The following ANO10 variants were observed in gnomAD, a reference collection of about 807,000 sequenced individuals.
ANO10 encodes anoctamin-10.
A neutral mutation model predicts 74.7 loss-of-function variants in ANO10; 77 were observed. The observed-to-expected ratio is 1.03, with a 90% CI of 0.86 to 1.25. ANO10 has a LOEUF of 1.25. Ranked by LOEUF, ANO10 falls within the 50% of genes most tolerant of loss-of-function variation. The probability of loss-of-function intolerance (pLI) is 0.00; values close to 1 mark genes in which losing one functional copy is unlikely to be tolerated. For missense variants in ANO10, 721 were observed against 778.1 expected (o/e 0.93, Z 0.87); for synonymous variants, 279 against 284.9 (o/e 0.98, Z 0.21).
intron 1 of ANO10, among the ~76,000 whole-genome samples, chr3:43,664,963 G>A (rs535044106): frequency 6.6e-6 from 1 of 152,298 alleles, no homozygotes; most frequent in South Asian, 2.1e-4. Flanking sequence ...GGAAGACAGT[G>A]TGGCAATTCC....
intron 1 of ANO10, among the ~76,000 whole-genome samples, chr3:43,616,085 A>C (rs2083087442): frequency 1.3e-5 from 2 of 152,208 alleles, no homozygotes; most frequent in Admixed American, 1.3e-4. Flanking sequence ...TCACATACTC[A>C]ACAGTATGTG....
In ANO10 at chr3:43,597,783, A is replaced by T. The variant is rs962175262; in HGVS notation, c.472+749T>A. On this transcript the variant is annotated intron_variant, in intron 4 of 12. Coordinates refer to ENST00000292246, the MANE Select transcript of ANO10 (RefSeq NM_018075.5). The stretch of plus-strand genomic sequence containing the variant: ...TAATAATAATAAATAAAAAATTTTT[A>T]AAAAGTAAACATGTGGTCCCAGCTA... Among the ~76,000 whole-genome samples the T allele has an allele frequency of 3.9e-5, 6 of 152,066 alleles. No individual in the cohort carries two copies. In the South Asian group the frequency reaches 1.0e-3, roughly 26 times the overall value.
At chr3:43,495,706 A>AT (rs765736959) in intron 11 of ANO10, among the ~76,000 whole-genome samples, 78 of 147,798 alleles carry the variant, frequency 5.3e-4, no homozygotes, top group Admixed American at 1.2e-3. Flanking sequence ...TGAAAAAAAA[A>AT]TTTTTTTTTT....
intron 11 of ANO10, among the ~76,000 whole-genome samples, chr3:43,504,279 G>C (rs548447540): frequency 7.2e-6 from 1 of 138,210 alleles, no homozygotes; most frequent in South Asian, 2.6e-4. Flanking sequence ...AAAATAAGTA[G>C]ATAGGTAGGT....
intron 11 of ANO10, among the ~76,000 whole-genome samples, chr3:43,493,906 T>C (rs2076821409): frequency 6.6e-6 from 1 of 152,098 alleles, no homozygotes; most frequent in Non-Finnish European, 1.5e-5. Flanking sequence ...AGGCTAATTT[T>C]CCATTTTTTC....
chr3:43,647,565 C>T (rs913244903), intron 1 of ANO10, among the ~76,000 whole-genome samples: 6 of 152,186 alleles, frequency 3.9e-5, no homozygotes, highest in African/African-American at 1.2e-4. Flanking sequence ...CTTCTGGAAA[C>T]ATCCTCTCAG....
chr3:43,586,692 CA>C, intron 4 of ANO10, among the ~76,000 whole-genome samples: 2 of 151,980 alleles, frequency 1.3e-5, no homozygotes, highest in South Asian at 4.2e-4. Flanking sequence ...TAGCATCCAG[CA>C]ACAAAAAACC....
chr3:43,631,766 A>G (rs1040601014), intron 1 of ANO10, among the ~76,000 whole-genome samples: 6 of 151,864 alleles, frequency 4.0e-5, no homozygotes, highest in South Asian at 2.1e-4. Flanking sequence ...AAAAAAAAAA[A>G]AAGAAGAAAG....
chr3:43,555,052 C>A (rs985711577), intron 10 of ANO10, among the ~76,000 whole-genome samples: 2 of 152,052 alleles, frequency 1.3e-5, no homozygotes, highest in Non-Finnish European at 2.9e-5. Context: ...TAAAAGGGGT[C>A]TTAGAAATTA....
intron 12 of ANO10, among the ~76,000 whole-genome samples, chr3:43,416,057 C>G (rs1206785952): frequency 1.3e-5 from 2 of 151,454 alleles, no homozygotes; most frequent in Non-Finnish European, 2.9e-5. Context: ...TTTATTCTAT[C>G]TCTAATCAAA....
chr3:43,558,145 A>C (rs1028581896), intron 9 of ANO10, among the ~76,000 whole-genome samples: 1 of 151,962 alleles, frequency 6.6e-6, no homozygotes, highest in East Asian at 1.9e-4. Context: ...AATTTTAAAG[A>C]TCTTCCATTA....
At chr3:43,628,553 A>G (rs948080845) in intron 1 of ANO10, among the ~76,000 whole-genome samples, 1 of 152,228 alleles carries the variant, frequency 6.6e-6, no homozygotes, top group African/African-American at 2.4e-5. Flanking sequence ...AGGAAACAAG[A>G]GAGATAACCT....
intron 11 of ANO10, among the ~76,000 whole-genome samples, chr3:43,509,962 A>C (rs534030640): frequency 1.3e-5 from 2 of 152,328 alleles, no homozygotes; most frequent in South Asian, 4.1e-4. Context: ...TATACACTGT[A>C]TGATTACATT....
chr3:43,594,991 G>A (rs529239238), intron 4 of ANO10, among the ~76,000 whole-genome samples: 8 of 152,252 alleles, frequency 5.3e-5, no homozygotes, highest in East Asian at 1.9e-4. Context: ...ACAACTCTAC[G>A]CAAATAAACT....
chr3:43,385,535 A>G (rs2092090490), intron 12 of ANO10, among the ~76,000 whole-genome samples: 1 of 152,232 alleles, frequency 6.6e-6, no homozygotes, highest in Non-Finnish European at 1.5e-5. Flanking sequence ...ACGAGTGGAT[A>G]AAGAAAATGT....
At chr3:43,513,188 A>C (rs2077576257) in intron 11 of ANO10, among the ~76,000 whole-genome samples, 1 of 152,188 alleles carries the variant, frequency 6.6e-6, no homozygotes, top group Non-Finnish European at 1.5e-5. Context: ...CTCTGTTCAC[A>C]CAGGACTGAG....
At chr3:43,467,070 A>G (rs2075658071) in intron 11 of ANO10, among the ~76,000 whole-genome samples, 2 of 152,236 alleles carry the variant, frequency 1.3e-5, no homozygotes. Context: ...AGAATGGCTA[A>G]AAAAACTAAA....
At chr3:43,534,665 G>C (rs367959960) in intron 11 of ANO10, among the ~76,000 whole-genome samples, 11 of 152,132 alleles carry the variant, frequency 7.2e-5, no homozygotes, top group Non-Finnish European at 1.5e-4. Flanking sequence ...CCTGCACCCC[G>C]ACCCACTGTC....
At chr3:43,532,704 T>C (rs1453326544) in intron 11 of ANO10, among the ~76,000 whole-genome samples, 1 of 152,214 alleles carries the variant, frequency 6.6e-6, no homozygotes, top group Non-Finnish European at 1.5e-5. Flanking sequence ...GCTATATCTT[T>C]ATAGTTAGAT....
Sources: allele counts gnomAD v4.1 joint callset (sites outside exome capture counted in the v4.1 genomes callset), GRCh38; gene constraint gnomAD v4.1.1; transcripts MANE v1.5; gene names NCBI Gene and HGNC (gene_info 2026-07-23, HGNC 2026-07-21).